SHANK2: variants seen among roughly 807,000 people sequenced by gnomAD.
The protein encoded by SHANK2 is SH3 and multiple ankyrin repeat domains 2.
In SHANK2, 43 loss-of-function variants were observed where a neutral mutation model predicts 133.7. The observed-to-expected ratio is 0.32, with a 90% CI of 0.25 to 0.41. The LOEUF (loss-of-function observed/expected upper bound fraction) is 0.41. SHANK2 is among the 10% of genes least tolerant of loss of function. The probability of loss-of-function intolerance (pLI) is 1.00; values close to 1 mark genes in which losing one functional copy is unlikely to be tolerated. For missense variants in SHANK2, 1,994 were observed against 2,235.8 expected (o/e 0.89, Z 2.18); for synonymous variants, 1,017 against 952.8 (o/e 1.07, Z -1.24).
At chr11:71,241,085 T>G (rs1954883032) in intron 1 of SHANK2, among the ~76,000 whole-genome samples, 1 of 152,016 alleles carries the variant, frequency 6.6e-6, no homozygotes, top group South Asian at 2.1e-4. Context: ...GGAAAGCAAT[T>G]TGAGAACACT....
intron 14 of SHANK2, among the ~76,000 whole-genome samples, chr11:70,737,699 C>T (rs191801982): frequency 4.2e-4 from 64 of 152,346 alleles, no homozygotes; most frequent in African/African-American, 1.5e-3. Context: ...GGCAGGGCTG[C>T]AGCCTCAGCC....
chr11:71,120,901 A>C (rs1299994945), intron 3 of SHANK2, among the ~76,000 whole-genome samples: 2 of 152,196 alleles, frequency 1.3e-5, no homozygotes, highest in Non-Finnish European at 2.9e-5. Flanking sequence ...CCAAGGGGCA[A>C]TTCCTTGGAG....
At chr11:70,917,143 T>C (rs555130550) in intron 10 of SHANK2, among the ~76,000 whole-genome samples, 24 of 152,028 alleles carry the variant, frequency 1.6e-4, no homozygotes, top group Admixed American at 8.5e-4. Flanking sequence ...ACTCCAAACA[T>C]CACAGGAAGT....
chr11:71,246,515 G>A (rs1954963494), intron 1 of SHANK2, among the ~76,000 whole-genome samples: 2 of 152,164 alleles, frequency 1.3e-5, no homozygotes, highest in Non-Finnish European at 2.9e-5. Context: ...TCACCTGCAG[G>A]ACCTTGAGTA....
chr11:70,765,831 C>T (rs1236828992), intron 14 of SHANK2, among the ~76,000 whole-genome samples: 1 of 150,306 alleles, frequency 6.7e-6, no homozygotes, highest in African/African-American at 2.4e-5. Flanking sequence ...TAAAGCTTCC[C>T]AACACTTTTC....
chr11:70,594,462 T>C (rs1379245333), intron 17 of SHANK2, among the ~76,000 whole-genome samples: 1 of 152,238 alleles, frequency 6.6e-6, no homozygotes, highest in Non-Finnish European at 1.5e-5. Flanking sequence ...CCACGAATAC[T>C]GTATTTTTGA....
At chr11:70,622,485 T>G (rs2060842874) in intron 17 of SHANK2, among the ~76,000 whole-genome samples, 1 of 152,134 alleles carries the variant, frequency 6.6e-6, no homozygotes, top group East Asian at 1.9e-4. Context: ...ACAACAGAAA[T>G]TGATTCACTC....
chr11:71,100,196 GAC>G (rs1379212496), intron 6 of SHANK2, among the ~76,000 whole-genome samples: 12 of 152,202 alleles, frequency 7.9e-5, no homozygotes, highest in Admixed American at 2.6e-4. Context: ...CACTTTGGAA[GAC>G]AGTTTGGCGA....
intron 14 of SHANK2, among the ~76,000 whole-genome samples, chr11:70,748,127 G>A (rs1367555126): frequency 1.3e-5 from 2 of 152,126 alleles, no homozygotes; most frequent in Non-Finnish European, 2.9e-5. Context: ...AGGACCCTGG[G>A]TCTTGACTCC....
intron 2 of SHANK2, among the ~76,000 whole-genome samples, chr11:71,172,821 A>G (rs1953345856): frequency 6.6e-6 from 1 of 152,216 alleles, no homozygotes; most frequent in South Asian, 2.1e-4. Flanking sequence ...CTGCAGGTGC[A>G]TGGTCTAGCC....
intron 11 of SHANK2, among the ~76,000 whole-genome samples, chr11:70,884,264 G>A (rs1440016074): frequency 6.6e-6 from 1 of 152,210 alleles, no homozygotes; most frequent in African/African-American, 2.4e-5. Context: ...GGGCCAGACA[G>A]GCTAAAGTCC....
rs1555148978 is a variant in SHANK2, at chr11:70,472,940, C to T, written c.5479G>A (p.Asp1827Asn). 6.2e-7 allele frequency: 1 copy of T among 1,614,246 alleles called. No homozygotes were observed. ...TGCCCGACTCGAGTTACCCCAAGAT[C>T]GATGAGGTCCTCCTTCTGCAGGTTT... is the stretch of plus-strand genomic sequence containing the variant. ...LPNLQKEDLI[D>N]LGVTRVGHRM... Residue 1827 changes from aspartate to asparagine, a missense_variant, in exon 26 of 26, where the codon GAT becomes AAT. Physicochemically the swap from Asp to Asn is conservative, Grantham distance 23. Transcript: ENST00000601538. The surrounding 1 kb of genome is among the most constrained non-coding windows in gnomAD (Gnocchi z 4.4).
At chr11:70,699,321 C>G (rs1945471227) in intron 14 of SHANK2, among the ~76,000 whole-genome samples, 6 of 151,022 alleles carry the variant, frequency 4.0e-5, no homozygotes, top group Admixed American at 4.0e-4. Flanking sequence ...CCTTACTCAG[C>G]AGATTGAGAC....
chr11:70,657,319 G>A (rs1292568932), intron 17 of SHANK2, among the ~76,000 whole-genome samples: 4 of 152,146 alleles, frequency 2.6e-5, no homozygotes, highest in Non-Finnish European at 5.9e-5. Context: ...AGACATGTGA[G>A]GCTATTTCAC....
intron 17 of SHANK2, chr11:70,570,727 TGGGG>T (rs2136177239): frequency 6.6e-6 from 1 of 150,914 alleles, no homozygotes; most frequent in East Asian, 2.0e-4. Context: ...GAGTGGGGAG[TGGGG>T]AGTGGGGAAT....
intron 22 of SHANK2, among the ~76,000 whole-genome samples, chr11:70,491,387 G>A (rs2058884924): frequency 6.6e-6 from 1 of 152,224 alleles, no homozygotes; most frequent in South Asian, 2.1e-4. Flanking sequence ...ACGAAGGACT[G>A]GGAACAAAGT....
chr11:70,656,243 T>G (rs2134239991), intron 17 of SHANK2, among the ~76,000 whole-genome samples: 1 of 152,274 alleles, frequency 6.6e-6, no homozygotes. Context: ...CCTTTGAAAC[T>G]CTCTGGTCTC....
At chr11:71,095,370 A>G (rs147991825) in intron 6 of SHANK2, among the ~76,000 whole-genome samples, 13 of 152,304 alleles carry the variant, frequency 8.5e-5, no homozygotes, top group African/African-American at 3.1e-4. Context: ...TGTCTATTAC[A>G]ACAAATCTTT....
chr11:70,721,582 C>T (rs1395616328), intron 14 of SHANK2, among the ~76,000 whole-genome samples: 1 of 152,172 alleles, frequency 6.6e-6, no homozygotes, highest in Non-Finnish European at 1.5e-5. Flanking sequence ...TTGTGAGCAG[C>T]GTTCTTACTG....
Sources: allele counts gnomAD v4.1 joint callset (sites outside exome capture counted in the v4.1 genomes callset), GRCh38; gene constraint gnomAD v4.1.1; non-coding constraint Gnocchi (gnomAD v3.1); transcripts MANE v1.5; gene names NCBI Gene and HGNC (gene_info 2026-07-23, HGNC 2026-07-21).